Variants in RTF2 observed in about 807,000 individuals in gnomAD.
RTF2 encodes UPF0549 protein C20orf43.
Under a neutral mutation model 38.0 loss-of-function variants are expected in RTF2, and 18 were observed. That is an observed-to-expected ratio of 0.47 (90% confidence interval 0.33 to 0.70). The LOEUF is 0.70. Among genes scored for constraint, RTF2 ranks in the 30% least tolerant of loss-of-function variants. The pLI is 0.02. For synonymous variants in RTF2, 126 were observed against 137.1 expected (o/e 0.92, Z 0.57); for missense variants, 311 against 379.6 (o/e 0.82, Z 1.50).
intron 5 of RTF2, among the ~76,000 whole-genome samples, chr20:56,512,792 A>G (rs1473438309): frequency 6.6e-6 from 1 of 152,134 alleles, no homozygotes; most frequent in Non-Finnish European, 1.5e-5. Flanking sequence ...GGGCTTCCTT[A>G]CGCGCACTCC....
intron 5 of RTF2, among the ~76,000 whole-genome samples, chr20:56,508,671 G>A (rs1054186566): frequency 5.3e-5 from 8 of 152,138 alleles, no homozygotes; most frequent in Non-Finnish European, 1.2e-4. Flanking sequence ...GCATGAGAAC[G>A]GGCATATACA....
chr20:56,489,752 A>C (rs924195910), intron 5 of RTF2, among the ~76,000 whole-genome samples: 6 of 152,236 alleles, frequency 3.9e-5, no homozygotes, highest in Non-Finnish European at 8.8e-5. Context: ...AGGCAGGCTT[A>C]TGTTTTAAGT....
chr20:56,515,440 C>T (rs892996040), intron 6 of RTF2, among the ~76,000 whole-genome samples: 9 of 152,070 alleles, frequency 5.9e-5, no homozygotes, highest in South Asian at 2.1e-4. Context: ...GATGTGGTGG[C>T]GTGCGCCAGT....
At chr20:56,514,916 G>A (rs778840704) in intron 6 of RTF2, among the ~76,000 whole-genome samples, 17 of 151,994 alleles carry the variant, frequency 1.1e-4, no homozygotes, top group Admixed American at 3.9e-4. Flanking sequence ...GCGTGGTGGC[G>A]TGTGCCTGTA....
At chr20:56,491,403 T>G (rs1448581679) in intron 5 of RTF2, 4 of 624,802 alleles carry the variant, frequency 6.4e-6, no homozygotes, top group East Asian at 5.5e-5. Context: ...AAAAGTGGCC[T>G]GTAATCAATA....
At chr20:56,499,912 T>A (rs1046181706) in intron 5 of RTF2, among the ~76,000 whole-genome samples, 2 of 151,760 alleles carry the variant, frequency 1.3e-5, no homozygotes, top group Non-Finnish European at 2.9e-5. Context: ...ATTTCTGTAT[T>A]TTTAGTAGAG....
At chr20:56,501,315 G>C (rs1983914533) in intron 5 of RTF2, among the ~76,000 whole-genome samples, 1 of 151,960 alleles carries the variant, frequency 6.6e-6, no homozygotes, top group African/African-American at 2.4e-5. Context: ...TGTGAAGTCA[G>C]CTATTTTAAT....
intron 1 of RTF2, chr20:56,472,368 A>T (rs1416855460): frequency 1.9e-6 from 3 of 1,548,474 alleles, no homozygotes; most frequent in South Asian, 2.4e-5. Flanking sequence ...CAGTCTACAC[A>T]GTGAAGGAAA....
chr20:56,490,916 A>T (rs1023075115), intron 5 of RTF2, among the ~76,000 whole-genome samples: 56 of 152,226 alleles, frequency 3.7e-4, no homozygotes, highest in African/African-American at 1.3e-3. Context: ...AATGCCCAGG[A>T]GCCCCTGTGG....
intron 5 of RTF2, chr20:56,496,921 T>C (rs1983582852): frequency 1.3e-6 from 2 of 1,551,612 alleles, no homozygotes; most frequent in Non-Finnish European, 1.7e-6. Flanking sequence ...CCAGGAGTAA[T>C]ATTTTTATCA....
intron 5 of RTF2, among the ~76,000 whole-genome samples, chr20:56,485,389 A>C (rs1325376381): frequency 6.6e-6 from 1 of 152,158 alleles, no homozygotes. Context: ...GAGATTAAAG[A>C]GTTAGGCAGG....
In RTF2 at chr20:56,474,699, C is replaced by T. The variant is rs1982149633; in HGVS notation, c.186C>T (p.Val62=). The change falls in exon 3 of 9, where the codon GTC becomes GTT. Residue 62 remains valine, a synonymous_variant. Transcript: ENST00000357348. ...ELGRLYNKDA[V]IEFLLDKSAE... is the part of the protein sequence containing the mutation. ...GCAGACTTTATAACAAAGATGCCGTCATTGAATTTCTCTTGGACAAATCTG... is the reference window on the plus strand; with the variant it reads ...GCAGACTTTATAACAAAGATGCCGTTATTGAATTTCTCTTGGACAAATCTG... 1.2e-6 allele frequency: 2 copies of T among 1,609,652 alleles called. No homozygotes were observed. The highest frequency in any genetic ancestry group is 1.7e-6 in the Non-Finnish European group (2 of 1,178,338).
intron 5 of RTF2, among the ~76,000 whole-genome samples, chr20:56,499,828 C>T (rs1983811878): frequency 6.6e-6 from 1 of 151,932 alleles, no homozygotes. Flanking sequence ...CCTCTGCCTC[C>T]CCGGTTGAAG....
intron 6 of RTF2, chr20:56,514,056 T>G (rs1984864085): frequency 6.6e-6 from 1 of 152,282 alleles, no homozygotes; most frequent in Non-Finnish European, 1.5e-5. Flanking sequence ...ATGAGTAGCC[T>G]TCCCAAAAAT....
At chr20:56,470,489 T>C in intron 1 of RTF2, 1 of 436,006 alleles carries the variant, frequency 2.3e-6, no homozygotes, top group South Asian at 1.6e-5. Context: ...CTAGCCCTGG[T>C]GGAGCTTACA....
chr20:56,468,714 G>A lies in RTF2; in HGVS notation c.17G>A (p.Gly6Glu). 6.3e-7 allele frequency: 1 copy of A among 1,587,044 alleles called. No individual in the cohort carries two copies. The highest frequency in any genetic ancestry group is 1.3e-5 in the African/African-American group (1 of 74,386). Residue 6 changes from glycine to glutamate, a missense_variant, in exon 1 of 9, where the codon GGA (glycine) becomes GAA (glutamate). Coordinates refer to ENST00000357348, the MANE Select transcript of RTF2 (RefSeq NM_016407.5). ...CGTCCTGCGATGGGTTGCGACGGGGGAACAATCCCCAAGAGGCATGAACTG... is the reference window on the plus strand; with the variant it reads ...CGTCCTGCGATGGGTTGCGACGGGGAAACAATCCCCAAGAGGCATGAACTG... MGCDG[G>E]TIPKRHELVK...
At chr20:56,495,223 T>C (rs1181268181) in intron 5 of RTF2, 20 of 1,551,290 alleles carry the variant, frequency 1.3e-5, no homozygotes, top group Non-Finnish European at 1.4e-5. Context: ...TCATGAACAT[T>C]TCCTTCCTCA....
Position 56,487,897 on chromosome 20 carries a change from C to T in RTF2, c.477+3708C>T, listed in dbSNP as rs77845216. On this transcript the variant is annotated intron_variant, in intron 5 of 8. Transcript: ENST00000357348. ...TTTTCCCTTATTAGGACACCAGTCC[C>T]GGTACTGGATTAGGGCCCAACTTAA... Among the ~76,000 whole-genome samples the T allele has an allele frequency of 6.8e-4, 103 of 152,274 alleles. 3 individuals carry two copies. The East Asian group carries it at 0.017, about 26-fold the overall frequency.
chr20:56,505,306 C>G (rs778610871), intron 5 of RTF2, among the ~76,000 whole-genome samples: 32 of 151,802 alleles, frequency 2.1e-4, no homozygotes, highest in Admixed American at 2.0e-4. Flanking sequence ...GGAAACATAG[C>G]AAGACCCCGT....
Sources: allele counts gnomAD v4.1 joint callset (sites outside exome capture counted in the v4.1 genomes callset), GRCh38; gene constraint gnomAD v4.1.1; transcripts MANE v1.5; gene names NCBI Gene and HGNC (gene_info 2026-07-23, HGNC 2026-07-21).